Variants in CCDC91 observed in about 807,000 individuals in gnomAD.
CCDC91 encodes coiled-coil domain containing 91, also known as coiled-coil domain-containing protein 91.
CCDC91 carries 48 observed loss-of-function variants against 63.2 expected under a neutral mutation model. That is an observed-to-expected ratio of 0.76 (90% confidence interval 0.60 to 0.97). The LOEUF (loss-of-function observed/expected upper bound fraction) is 0.97, where lower values mean the gene tolerates loss of function less well. Ranked by LOEUF, CCDC91 falls within the 50% of genes least tolerant of loss-of-function variation. CCDC91 has a pLI of 0.00. For missense variants in CCDC91, 500 were observed against 494.6 expected, an observed-to-expected ratio of 1.01 and a Z score of -0.10; for synonymous variants, 167 against 165.8, an observed-to-expected ratio of 1.01 and a Z score of -0.06.
At chr12:28,322,587 C>G (rs1320892876) in intron 6 of CCDC91, among the ~76,000 whole-genome samples, 1 of 151,294 alleles carries the variant, frequency 6.6e-6, no homozygotes, top group African/African-American at 2.4e-5. Flanking sequence ...CTCAATATAC[C>G]TTCTCTGCTT....
chr12:28,278,224 G>A (rs1233880728), intron 3 of CCDC91, among the ~76,000 whole-genome samples: 2 of 151,846 alleles, frequency 1.3e-5, no homozygotes, highest in Non-Finnish European at 2.9e-5. Flanking sequence ...CTTTTTCATT[G>A]TCAGTCATGA....
At chr12:28,463,162 C>T (rs1488603376) in intron 11 of CCDC91, among the ~76,000 whole-genome samples, 1 of 151,996 alleles carries the variant, frequency 6.6e-6, no homozygotes. Flanking sequence ...ATAAATTGTT[C>T]CAATTTGAGA....
chr12:28,222,009 G>A (rs1241097020), intron 1 of CCDC91, among the ~76,000 whole-genome samples: 1 of 152,162 alleles, frequency 6.6e-6, no homozygotes, highest in Non-Finnish European at 1.5e-5. Context: ...AAGTTTGGGA[G>A]TTATAACTTT....
chr12:28,252,420 C>G (rs1946180028), intron 1 of CCDC91, among the ~76,000 whole-genome samples: 1 of 151,806 alleles, frequency 6.6e-6, no homozygotes, highest in African/African-American at 2.4e-5. Flanking sequence ...ATTACGTATC[C>G]TAGGCTGGAT....
chr12:28,525,641 G>C (rs1379713980), intron 12 of CCDC91, among the ~76,000 whole-genome samples: 15 of 152,004 alleles, frequency 9.9e-5, no homozygotes, highest in African/African-American at 3.6e-4. Context: ...TAGTTTAAAT[G>C]CATTGTTATT....
intron 12 of CCDC91, among the ~76,000 whole-genome samples, chr12:28,511,255 C>A (rs1279419379): frequency 1.3e-5 from 2 of 151,868 alleles, no homozygotes; most frequent in Non-Finnish European, 2.9e-5. Flanking sequence ...CACTCCCACC[C>A]TACTACAGTA....
chr12:28,505,704 A>G (rs1195003962), intron 12 of CCDC91, among the ~76,000 whole-genome samples: 1 of 151,984 alleles, frequency 6.6e-6, no homozygotes, highest in African/African-American at 2.4e-5. Context: ...TCCAAGACAC[A>G]GAAGTGAAGC....
intron 1 of CCDC91, among the ~76,000 whole-genome samples, chr12:28,200,879 A>G (rs1471804179): frequency 6.7e-6 from 1 of 150,110 alleles, no homozygotes; most frequent in Non-Finnish European, 1.5e-5. Flanking sequence ...CACCTCCCAG[A>G]CAGGGCGGCT....
At chr12:28,300,277 A>G (rs1482486390) in intron 3 of CCDC91, among the ~76,000 whole-genome samples, 4 of 151,424 alleles carry the variant, frequency 2.6e-5, no homozygotes, top group Admixed American at 1.3e-4. Context: ...TTTATTTAAT[A>G]CTTTTTTCCA....
chr12:28,503,254 C>G lies in CCDC91; in HGVS notation c.1215+19089C>G, dbSNP rs1183958142. On this transcript the variant is annotated intron_variant, in intron 12 of 12. Transcript: ENST00000536442. Reference sequence around the variant, plus strand: ...ATTTACAAGAAAAAAAACAAACAACCCCATCAAAAAGTGGGCGAAGGACAT... The same window carrying G: ...ATTTACAAGAAAAAAAACAAACAACGCCATCAAAAAGTGGGCGAAGGACAT... Among the ~76,000 whole-genome samples, 3 of 152,010 alleles carry G rather than the reference C, an allele frequency of 2.0e-5. No homozygotes were observed. The East Asian group carries it at 5.8e-4, about 29-fold the overall frequency.
At chr12:28,445,132 T>G (rs1002274507) in intron 8 of CCDC91, among the ~76,000 whole-genome samples, 1 of 152,218 alleles carries the variant, frequency 6.6e-6, no homozygotes, top group Admixed American at 6.5e-5. Flanking sequence ...ATTATTGGCA[T>G]GTACTGTTTT....
At chr12:28,297,906 T>C (rs1949653148) in intron 3 of CCDC91, among the ~76,000 whole-genome samples, 1 of 151,826 alleles carries the variant, frequency 6.6e-6, no homozygotes, top group South Asian at 2.1e-4. Flanking sequence ...ATGTATACCA[T>C]CGTTACTATA....
At chr12:28,436,862 C>A (rs889524753) in intron 8 of CCDC91, among the ~76,000 whole-genome samples, 4 of 151,810 alleles carry the variant, frequency 2.6e-5, no homozygotes, top group African/African-American at 9.7e-5. Context: ...GTGTACTCTC[C>A]TCCAATCTTG....
At chr12:28,474,285 A>G (rs1950969900) in intron 11 of CCDC91, among the ~76,000 whole-genome samples, 1 of 152,188 alleles carries the variant, frequency 6.6e-6, no homozygotes, top group Non-Finnish European at 1.5e-5. Flanking sequence ...ATGTTACATT[A>G]TGACAACATT....
intron 8 of CCDC91, among the ~76,000 whole-genome samples, chr12:28,400,028 C>CTGTG (rs1167917820): frequency 6.6e-6 from 1 of 152,200 alleles, no homozygotes; most frequent in Non-Finnish European, 1.5e-5. Context: ...TCAGAGGGGA[C>CTGTG]TGTGTGTGGG....
In CCDC91 at chr12:28,391,421, G is replaced by A. The variant is rs369656011; in HGVS notation, c.762+10G>A. On this transcript the variant is annotated intron_variant, in intron 8 of 12. Coordinates refer to ENST00000536442, the MANE Select transcript of CCDC91 (RefSeq NM_018318.5). Reference sequence around the variant, plus strand: ...GTTGCTAAATGCTCAGGTAATAAAAGTGCACATCCATTATATATTTATACT... The same window carrying A: ...GTTGCTAAATGCTCAGGTAATAAAAATGCACATCCATTATATATTTATACT... 159 of 1,478,742 alleles carry A rather than the reference G, an allele frequency of 1.1e-4. No individual in the cohort carries two copies. Among genetic ancestry groups the A allele is most frequent in the Middle Eastern group, 3.4e-4 (2 of 5,832 alleles). 91.6% of individuals were successfully genotyped at this position (1,478,742 alleles called of 1,614,324 possible). A position where few individuals can be genotyped will look rare whatever the true frequency, so the allele number is the denominator to read the frequency against.
At chr12:28,360,347 C>T (rs547652946) in intron 6 of CCDC91, among the ~76,000 whole-genome samples, 3 of 152,158 alleles carry the variant, frequency 2.0e-5, no homozygotes, top group Admixed American at 2.0e-4. Context: ...CTCTTTTATC[C>T]TAAATATAGT....
chr12:28,251,607 T>G (rs1459818082), intron 1 of CCDC91, among the ~76,000 whole-genome samples: 1 of 152,092 alleles, frequency 6.6e-6, no homozygotes, highest in Non-Finnish European at 1.5e-5. Context: ...TGCTGTCTTC[T>G]GTGTCCTCCA....
At position 28,454,931 on chromosome 12, in the gene CCDC91, G is replaced by A. The variant is rs141487125; in HGVS notation, c.1101+2277G>A. Among the ~76,000 whole-genome samples, 142 of 152,156 alleles carry A rather than the reference G, an allele frequency of 9.3e-4. 2 individuals are homozygous for A. Among genetic ancestry groups the A allele is most frequent in the African/African-American group, 3.0e-3 (125 of 41,536 alleles). ...TCCCACAAAGGGTATTTGTGCATGC[G>A]TCGTTGTAAATTGAGTGTTTCCATG... On this transcript the variant is annotated intron_variant, in intron 11 of 12. Coordinates refer to ENST00000536442, the MANE Select transcript of CCDC91 (RefSeq NM_018318.5).
Sources: gnomAD v4.1 joint callset for allele counts (sites outside exome capture counted in the v4.1 genomes callset) on GRCh38, gnomAD v4.1.1 for gene constraint, MANE v1.5 for transcripts, NCBI Gene and HGNC (gene_info 2026-07-23, HGNC 2026-07-21) for gene names.